Variants in IPO7 observed in about 807,000 individuals in gnomAD.
The protein encoded by IPO7 is importin 7.
IPO7 carries 13 observed loss-of-function variants against 136.4 expected under a neutral mutation model. That is an observed-to-expected ratio of 0.10 (90% CI 0.06 to 0.15). The LOEUF is 0.15. Ranked by LOEUF, IPO7 falls within the 10% of genes least tolerant of loss-of-function variation. The pLI is 1.00. For missense variants in IPO7, 857 were observed against 1,240.6 expected (o/e 0.69, Z 4.65); for synonymous variants, 403 against 404.4 (o/e 1.00, Z 0.04).
intron 2 of IPO7, among the ~76,000 whole-genome samples, chr11:9,405,323 C>T (rs918866217): frequency 6.6e-6 from 1 of 151,192 alleles, no homozygotes; most frequent in Admixed American, 6.6e-5. Flanking sequence ...TATAGGCGCC[C>T]GCCACCACGC....
rs1166011948 is a variant in IPO7 at position 9,392,168 on chromosome 11, A to C, written c.84+7321A>C. The C allele has an allele frequency of 2.4e-5, 8 of 339,984 alleles. No homozygotes were observed. In the East Asian group the frequency reaches 6.5e-4, roughly 27 times the overall value. 21.1% of individuals were successfully genotyped at this position (339,984 alleles called of 1,614,324 possible). Reference sequence around the variant, plus strand: ...TAGATGTCATATTTGCCTTTGTCAAATTCTTTTTTTTTTTTTTTTTTTTTT... The same window carrying C: ...TAGATGTCATATTTGCCTTTGTCAACTTCTTTTTTTTTTTTTTTTTTTTTT... On this transcript the variant is annotated intron_variant, in intron 1 of 24. Transcript: ENST00000379719.
At position 9,438,738 on chromosome 11, in the gene IPO7, T is replaced by C. The variant is rs548902183; in HGVS notation, c.2695+453T>C. On this transcript the variant is annotated intron_variant, in intron 22 of 24. Coordinates refer to ENST00000379719, the MANE Select transcript of IPO7 (RefSeq NM_006391.3). ...ACTTCCTTTCTTCTCACTAGAGTGA[T>C]GTAATCAGGAACTTCAGCTGTATTA... 2.0e-5 allele frequency among the ~76,000 whole-genome samples: 3 copies of C among 152,344 alleles called. No individual in the cohort carries two copies. In the East Asian group the frequency reaches 5.8e-4, roughly 29 times the overall value.
chr11:9,392,094 G>A (rs1422895452), intron 1 of IPO7: 6 of 307,018 alleles, frequency 2.0e-5, no homozygotes, highest in Middle Eastern at 1.2e-3. Flanking sequence ...CTGAGTCTAC[G>A]ACTATAATGA....
intron 2 of IPO7, among the ~76,000 whole-genome samples, chr11:9,404,382 G>A (rs953015378): frequency 3.3e-5 from 5 of 151,482 alleles, no homozygotes; most frequent in Admixed American, 2.6e-4. Context: ...GGAGAATGGC[G>A]TGAACCTGGG....
chr11:9,439,734 C>CTGG (rs1554956546), intron 22 of IPO7, among the ~76,000 whole-genome samples: 6 of 151,608 alleles, frequency 4.0e-5, no homozygotes, highest in South Asian at 2.1e-4. Flanking sequence ...TGCCACCACA[C>CTGG]CGGCTAATTT....
At chr11:9,422,933 T>C (rs1227232285) in intron 8 of IPO7, 73 bp from the exon 9 acceptor site, 3 of 854,914 alleles carry the variant, frequency 3.5e-6, no homozygotes, top group Non-Finnish European at 5.2e-6. Context: ...ATGTGTTAAC[T>C]GTTTTTACTG....
chr11:9,392,652 C>G (rs747288422), intron 1 of IPO7, among the ~76,000 whole-genome samples: 18 of 151,894 alleles, frequency 1.2e-4, no homozygotes, highest in Non-Finnish European at 2.5e-4. Context: ...AGAAATAATA[C>G]AAAGTTACAG....
chr11:9,440,095 G>C (rs1025527608), intron 22 of IPO7, among the ~76,000 whole-genome samples: 1 of 152,074 alleles, frequency 6.6e-6, no homozygotes, highest in Non-Finnish European at 1.5e-5. Flanking sequence ...ATTATTATAA[G>C]GGTTTCAACA....
At chr11:9,436,247 C>T (rs1401933193) in intron 19 of IPO7, 24 bp from the exon 20 acceptor site, 1 of 1,531,752 alleles carries the variant, frequency 6.5e-7, no homozygotes, top group South Asian at 1.1e-5. Context: ...AGCCTTACTG[C>T]AATTTATATT....
intron 1 of IPO7, among the ~76,000 whole-genome samples, chr11:9,395,511 T>G (rs1490643822): frequency 6.6e-6 from 1 of 152,110 alleles, no homozygotes; most frequent in Admixed American, 6.5e-5. Flanking sequence ...AGTGCAGGGA[T>G]TACAGGTGTG....
intron 4 of IPO7, among the ~76,000 whole-genome samples, chr11:9,412,323 C>T (rs867461454): frequency 6.6e-6 from 1 of 152,134 alleles, no homozygotes; most frequent in Admixed American, 6.5e-5. Context: ...AAAATGTACT[C>T]AGATACTCAA....
intron 12 of IPO7, among the ~76,000 whole-genome samples, chr11:9,426,931 T>G (rs952724518): frequency 1.3e-5 from 2 of 149,536 alleles, no homozygotes; most frequent in Admixed American, 6.7e-5. Flanking sequence ...TATGCTGGAG[T>G]GCAGTGGCGC....
intron 22 of IPO7, among the ~76,000 whole-genome samples, chr11:9,438,880 A>G (rs1357451534): frequency 1.3e-5 from 2 of 152,204 alleles, no homozygotes; most frequent in African/African-American, 4.8e-5. Context: ...AGTTCTTCAA[A>G]AGTTTTCTAT....
rs568328270 is a variant in IPO7 at position 9,447,102 on chromosome 11, C to T, written c.*1908C>T. On this transcript the variant is annotated 3_prime_UTR_variant, in exon 25 of 25. Coordinates refer to ENST00000379719, the MANE Select transcript of IPO7 (RefSeq NM_006391.3). ...ATGAATAGTATTAAAGAAACATTCT[C>T]GTCTTCCTTTACCTTTAATCCCCTA... 7.2e-5 allele frequency: 11 copies of T among 152,242 alleles called. No individual in the cohort carries two copies. In the East Asian group the frequency reaches 1.7e-3, roughly 24 times the overall value. 9.4% of individuals were successfully genotyped at this position (152,242 alleles called of 1,614,324 possible). A position where few individuals can be genotyped will look rare whatever the true frequency, so the allele number is the denominator to read the frequency against.
chr11:9,411,746 T>C (rs138936143), intron 4 of IPO7, among the ~76,000 whole-genome samples: 1 of 152,326 alleles, frequency 6.6e-6, no homozygotes, highest in African/African-American at 2.4e-5. Context: ...AGAATTTTAT[T>C]AGTGTCATAT....
chr11:9,407,963 A>G (rs960406411), intron 2 of IPO7, among the ~76,000 whole-genome samples: 6 of 152,256 alleles, frequency 3.9e-5, no homozygotes, highest in African/African-American at 1.2e-4. Flanking sequence ...ATTTCTGAAC[A>G]CAGTAAATTC....
chr11:9,391,758 A>T (rs1418102874), intron 1 of IPO7, among the ~76,000 whole-genome samples: 1 of 152,176 alleles, frequency 6.6e-6, no homozygotes, highest in Non-Finnish European at 1.5e-5. Flanking sequence ...AATATTTTAA[A>T]ATTATTTTTA....
chr11:9,395,069 G>T (rs574479477), intron 1 of IPO7, among the ~76,000 whole-genome samples: 1 of 152,174 alleles, frequency 6.6e-6, no homozygotes, highest in African/African-American at 2.4e-5. Context: ...GCAGCATCCA[G>T]AAGTTATATT....
At chr11:9,390,770 A>AGTC (rs1854618117) in intron 1 of IPO7, among the ~76,000 whole-genome samples, 1 of 1,142 alleles carries the variant, frequency 8.8e-4, no homozygotes, top group African/African-American at 1.3e-3. Flanking sequence ...GGCAACATAC[A>AGTC]AAAAAAATTT....
Sources: gnomAD v4.1 joint callset for allele counts (sites outside exome capture counted in the v4.1 genomes callset) on GRCh38, gnomAD v4.1.1 for gene constraint, MANE v1.5 for transcripts, NCBI Gene and HGNC (gene_info 2026-07-23, HGNC 2026-07-21) for gene names.